The following ARHGAP15 variants were observed in gnomAD, a reference collection of about 807,000 sequenced individuals.
The protein encoded by ARHGAP15 is rho GTPase-activating protein 15.
Under a neutral mutation model 63.7 loss-of-function variants are expected in ARHGAP15, and 51 were observed. That is an observed-to-expected ratio of 0.80 (90% CI 0.64 to 1.01). The LOEUF is 1.01. Among genes scored for constraint, ARHGAP15 ranks in the 50% least tolerant of loss-of-function variants. The pLI, the probability that ARHGAP15 is intolerant of heterozygous loss-of-function variation, is 0.00. For missense variants in ARHGAP15, 560 were observed against 564.6 expected, an observed-to-expected ratio of 0.99 and a Z score of 0.08; for synonymous variants, 191 against 193.8, an observed-to-expected ratio of 0.99 and a Z score of 0.12.
At chr2:143,644,357 G>A (rs1680762067) in intron 12 of ARHGAP15, among the ~76,000 whole-genome samples, 1 of 152,044 alleles carries the variant, frequency 6.6e-6, no homozygotes. Context: ...GTCTTCAGGG[G>A]AGAAGACAGA....
At chr2:143,500,992 T>A (rs2104933238) in intron 9 of ARHGAP15, among the ~76,000 whole-genome samples, 1 of 152,268 alleles carries the variant, frequency 6.6e-6, no homozygotes, top group South Asian at 2.1e-4. Context: ...ATAACACTCC[T>A]AACATGTCCC....
intron 6 of ARHGAP15, among the ~76,000 whole-genome samples, chr2:143,262,080 T>G (rs1574172755): frequency 6.6e-6 from 1 of 152,062 alleles, no homozygotes; most frequent in South Asian, 2.1e-4. Context: ...CCACAGCAGA[T>G]AGTAAAAGAT....
At chr2:143,637,178 C>T (rs540755971) in intron 12 of ARHGAP15, among the ~76,000 whole-genome samples, 1 of 152,238 alleles carries the variant, frequency 6.6e-6, no homozygotes, top group East Asian at 1.9e-4. Context: ...TTTTGGGACA[C>T]ATTCAGTGAA....
intron 9 of ARHGAP15, among the ~76,000 whole-genome samples, chr2:143,488,879 A>G (rs902278835): frequency 2.0e-5 from 3 of 152,208 alleles, no homozygotes; most frequent in Admixed American, 6.5e-5. Context: ...ACCTTGCTTT[A>G]AATCAGAGTT....
chr2:143,429,024 C>T (rs1342660918), intron 6 of ARHGAP15, among the ~76,000 whole-genome samples: 2 of 152,100 alleles, frequency 1.3e-5, no homozygotes, highest in African/African-American at 4.8e-5. Flanking sequence ...TATACACCAA[C>T]TGCTTTGATT....
chr2:143,558,665 G>C (rs576985057), intron 11 of ARHGAP15, among the ~76,000 whole-genome samples: 1 of 152,268 alleles, frequency 6.6e-6, no homozygotes, highest in East Asian at 1.9e-4. Flanking sequence ...ACCAGTTCTA[G>C]CCTTGGTGTT....
chr2:143,427,706 C>T (rs1397228588), intron 6 of ARHGAP15, among the ~76,000 whole-genome samples: 1 of 152,006 alleles, frequency 6.6e-6, no homozygotes, highest in Non-Finnish European at 1.5e-5. Context: ...CTAGGACTTG[C>T]TGACTGCTGG....
chr2:143,353,622 G>A (rs898736674), intron 6 of ARHGAP15, among the ~76,000 whole-genome samples: 6 of 152,006 alleles, frequency 3.9e-5, no homozygotes, highest in East Asian at 1.9e-4. Flanking sequence ...CAGAAATAAC[G>A]CCTATCATTC....
chr2:143,153,836 CTTCT>C (rs1558779540), intron 1 of ARHGAP15, among the ~76,000 whole-genome samples: 1,184 of 85,274 alleles, frequency 0.014, 63 homozygotes, highest in Admixed American at 0.016. Context: ...TCTTCTTCTT[CTTCT>C]TCTTCCTCCT....
At chr2:143,225,895 T>G (rs1281268890) in intron 4 of ARHGAP15, among the ~76,000 whole-genome samples, 1 of 152,192 alleles carries the variant, frequency 6.6e-6, no homozygotes, top group African/African-American at 2.4e-5. Flanking sequence ...AAAATCGAGA[T>G]GAAAGAGGAC....
intron 11 of ARHGAP15, among the ~76,000 whole-genome samples, chr2:143,607,119 T>TA (rs1435626224): frequency 6.6e-6 from 1 of 152,210 alleles, no homozygotes; most frequent in Non-Finnish European, 1.5e-5. Flanking sequence ...CTGGTTTTCT[T>TA]ACACACTGTA....
chr2:143,751,643 AC>A (rs1271178988), intron 13 of ARHGAP15, among the ~76,000 whole-genome samples: 1 of 152,108 alleles, frequency 6.6e-6, no homozygotes, highest in African/African-American at 2.4e-5. Flanking sequence ...CTCATCCTCA[AC>A]AATGGCGTCT....
At chr2:143,719,749 A>G (rs901156565) in intron 13 of ARHGAP15, among the ~76,000 whole-genome samples, 3 of 152,196 alleles carry the variant, frequency 2.0e-5, no homozygotes, top group African/African-American at 7.2e-5. Context: ...CTAGTGGGAA[A>G]AAAGAAATAA....
intron 6 of ARHGAP15, among the ~76,000 whole-genome samples, chr2:143,316,848 A>G (rs1683742923): frequency 6.6e-6 from 1 of 151,882 alleles, no homozygotes; most frequent in East Asian, 1.9e-4. Flanking sequence ...CTGCTTCTAT[A>G]TTCACTCCTC....
chr2:143,492,364 A>G (rs1692619759), intron 9 of ARHGAP15, among the ~76,000 whole-genome samples: 1 of 151,968 alleles, frequency 6.6e-6, no homozygotes, highest in Non-Finnish European at 1.5e-5. Flanking sequence ...TTCTCCTCTC[A>G]TCTCCTCTGC....
chr2:143,435,581 T>TC lies in ARHGAP15; in HGVS notation c.475-19dup, dbSNP rs1491164658. The TC allele has an allele frequency of 2.1e-5, 30 of 1,401,888 alleles. No homozygotes were observed. The highest frequency in any genetic ancestry group is 2.7e-5 in the Non-Finnish European group (29 of 1,075,104). 86.8% of individuals were successfully genotyped at this position (1,401,888 alleles called of 1,614,324 possible). On this transcript the variant is annotated intron_variant, in intron 6 of 13. Transcript: ENST00000295095. ...GTTTCTTTACCTGTCTATTTCTTTTTCTTTTTTTTTTTTTTGCAGATCACA... is the reference window on the plus strand; with the variant it reads ...GTTTCTTTACCTGTCTATTTCTTTTTCCTTTTTTTTTTTTTTGCAGATCACA...
intron 11 of ARHGAP15, among the ~76,000 whole-genome samples, chr2:143,595,881 C>T (rs899151894): frequency 2.6e-5 from 4 of 152,110 alleles, no homozygotes; most frequent in African/African-American, 9.7e-5. Context: ...AAAGTATTGT[C>T]TTTTCCAGGG....
At chr2:143,201,429 C>T (rs1284284820) in intron 2 of ARHGAP15, among the ~76,000 whole-genome samples, 4 of 151,892 alleles carry the variant, frequency 2.6e-5, no homozygotes, top group African/African-American at 4.8e-5. Context: ...TTTTAACACA[C>T]GTCTACAATG....
intron 6 of ARHGAP15, among the ~76,000 whole-genome samples, chr2:143,373,629 C>CAAAAAAA (rs58153000): frequency 1.6e-4 from 10 of 62,972 alleles, no homozygotes; most frequent in Admixed American, 2.5e-4. Context: ...GACTCTATCT[C>CAAAAAAA]AAAAAAAAAA....
Sources: allele counts gnomAD v4.1 joint callset (sites outside exome capture counted in the v4.1 genomes callset), GRCh38; gene constraint gnomAD v4.1.1; transcripts MANE v1.5; gene names NCBI Gene and HGNC (gene_info 2026-07-23, HGNC 2026-07-21).